NOS1AP: variants seen among roughly 807,000 people sequenced by gnomAD.
The protein encoded by NOS1AP is carboxyl-terminal PDZ ligand of neuronal nitric oxide synthase protein.
NOS1AP carries 21 observed loss-of-function variants against 56.2 expected under a neutral mutation model. The observed-to-expected ratio is 0.37, with a 90% CI of 0.26 to 0.54. The LOEUF (loss-of-function observed/expected upper bound fraction) is 0.54, where lower values mean the gene tolerates loss of function less well. Among genes scored for constraint, NOS1AP ranks in the 20% least tolerant of loss-of-function variants. The pLI, the probability that NOS1AP is intolerant of heterozygous loss-of-function variation, is 0.84. For synonymous variants in NOS1AP, 270 were observed against 274.6 expected (o/e 0.98, Z 0.17); for missense variants, 522 against 657.8 (o/e 0.79, Z 2.26).
intron 1 of NOS1AP, among the ~76,000 whole-genome samples, chr1:162,143,899 C>G (rs1244393700): frequency 1.3e-5 from 2 of 152,184 alleles, no homozygotes; most frequent in Non-Finnish European, 2.9e-5. Context: ...CTGCGCAAAG[C>G]TGAGTGCTTT....
chr1:162,339,977 A>G (rs1004396890), intron 5 of NOS1AP, among the ~76,000 whole-genome samples: 1 of 152,262 alleles, frequency 6.6e-6, no homozygotes, highest in Non-Finnish European at 1.5e-5. Context: ...GTCAAGGGAC[A>G]TCAGAACTCA....
At chr1:162,204,708 C>A (rs1219122889) in intron 2 of NOS1AP, among the ~76,000 whole-genome samples, 1 of 152,152 alleles carries the variant, frequency 6.6e-6, no homozygotes, top group Non-Finnish European at 1.5e-5. Context: ...CAGCTGTTTG[C>A]GTAGTTTTCA....
intron 2 of NOS1AP, among the ~76,000 whole-genome samples, chr1:162,243,515 G>A (rs1458215831): frequency 6.6e-6 from 1 of 152,196 alleles, no homozygotes; most frequent in African/African-American, 2.4e-5. Context: ...AGACAGAGAA[G>A]AGTGTAAGGT....
intron 2 of NOS1AP, among the ~76,000 whole-genome samples, chr1:162,267,826 G>C (rs1481975054): frequency 6.6e-6 from 1 of 152,152 alleles, no homozygotes; most frequent in South Asian, 2.1e-4. Context: ...CCTTAATGGA[G>C]CAGAGGTAGC....
At chr1:162,299,352 G>C (rs1388183733) in intron 3 of NOS1AP, among the ~76,000 whole-genome samples, 1 of 152,158 alleles carries the variant, frequency 6.6e-6, no homozygotes, top group Non-Finnish European at 1.5e-5. Context: ...CCAGGTTTTG[G>C]GGGGATCACT....
chr1:162,201,266 C>A (rs1189011530), intron 2 of NOS1AP, among the ~76,000 whole-genome samples: 1 of 152,132 alleles, frequency 6.6e-6, no homozygotes, highest in Non-Finnish European at 1.5e-5. Flanking sequence ...GCATAGTATT[C>A]CATGGTGTAT....
At chr1:162,218,964 G>A (rs1652673194) in intron 2 of NOS1AP, among the ~76,000 whole-genome samples, 1 of 152,114 alleles carries the variant, frequency 6.6e-6, no homozygotes, top group Admixed American at 6.5e-5. Flanking sequence ...TGCAGTTTTT[G>A]AACCATCTTA....
chr1:162,334,148 T>C (rs1656864059), intron 5 of NOS1AP, among the ~76,000 whole-genome samples: 1 of 152,206 alleles, frequency 6.6e-6, no homozygotes, highest in African/African-American at 2.4e-5. Context: ...CCAGATTTAC[T>C]GATGGGTGTC....
intron 2 of NOS1AP, among the ~76,000 whole-genome samples, chr1:162,226,198 C>T (rs1652935021): frequency 6.6e-6 from 1 of 152,060 alleles, no homozygotes; most frequent in African/African-American, 2.4e-5. Context: ...GAGGCTGAGG[C>T]AGGAGAATCA....
At chr1:162,201,401 G>GT (rs1206558695) in intron 2 of NOS1AP, among the ~76,000 whole-genome samples, 2 of 152,124 alleles carry the variant, frequency 1.3e-5, no homozygotes, top group African/African-American at 2.4e-5. Context: ...GAATAGTGCT[G>GT]TGATAAATAG....
At chr1:162,321,413 ATTGTAGG>A (rs1461832876) in intron 4 of NOS1AP, among the ~76,000 whole-genome samples, 1 of 152,116 alleles carries the variant, frequency 6.6e-6, no homozygotes, top group Non-Finnish European at 1.5e-5. Flanking sequence ...GTTCATGTCC[ATTGTAGG>A]GACATGGATG....
intron 2 of NOS1AP, among the ~76,000 whole-genome samples, chr1:162,157,737 G>A (rs951674754): frequency 6.6e-6 from 1 of 152,238 alleles, no homozygotes; most frequent in Non-Finnish European, 1.5e-5. Flanking sequence ...GTTTCCCAGA[G>A]AGAGAAGCAT....
At chr1:162,277,246 A>T (rs1025494554) in intron 2 of NOS1AP, among the ~76,000 whole-genome samples, 3 of 152,204 alleles carry the variant, frequency 2.0e-5, no homozygotes, top group African/African-American at 7.2e-5. Context: ...TTATTGTAAG[A>T]AACTACTTTT....
intron 2 of NOS1AP, among the ~76,000 whole-genome samples, chr1:162,265,404 G>C: frequency 8.3e-6 from 1 of 120,978 alleles, no homozygotes; most frequent in Non-Finnish European, 1.6e-5. Flanking sequence ...ACAGTTCCCA[G>C]AGTGTGATGT....
At chr1:162,106,008 A>G (rs1647493263) in intron 1 of NOS1AP, among the ~76,000 whole-genome samples, 1 of 152,174 alleles carries the variant, frequency 6.6e-6, no homozygotes, top group African/African-American at 2.4e-5. Context: ...CCGGGGCCAG[A>G]GTATGCAAAA....
In NOS1AP at chr1:162,357,016, T is replaced by C; in HGVS notation, c.819T>C (p.Ser273=). ...CCTCACCCAGGATGCTGCTCCCTTC[T>C]TCTTCCTCGAAGCCTCCAGGCCTGG... ...LTASPRMLLP[S]SSSKPPGLGT... is the part of the protein sequence containing the mutation. Residue 273 remains serine, a synonymous_variant, in exon 8 of 10, where the codon TCT becomes TCC. Transcript: ENST00000361897. 1 of 1,614,046 alleles carries C rather than the reference T, an allele frequency of 6.2e-7. No individual in the cohort carries two copies. Among genetic ancestry groups the C allele is most frequent in the Non-Finnish European group, 8.5e-7 (1 of 1,180,028 alleles).
intron 2 of NOS1AP, among the ~76,000 whole-genome samples, chr1:162,272,831 T>C (rs1654624625): frequency 6.6e-6 from 1 of 152,162 alleles, no homozygotes; most frequent in Admixed American, 6.5e-5. Context: ...CGTTGAAATG[T>C]TAGAGTTCTA....
intron 2 of NOS1AP, among the ~76,000 whole-genome samples, chr1:162,173,556 A>C (rs1650910588): frequency 6.6e-6 from 1 of 152,258 alleles, no homozygotes; most frequent in Non-Finnish European, 1.5e-5. Flanking sequence ...AACAAAAGCC[A>C]AAATTGACAA....
chr1:162,095,287 G>A (rs1002272123), intron 1 of NOS1AP, among the ~76,000 whole-genome samples: 11 of 152,256 alleles, frequency 7.2e-5, no homozygotes, highest in African/African-American at 2.6e-4. Flanking sequence ...TGGGATCAGT[G>A]CCCTTATAAG....
Sources: allele counts gnomAD v4.1 joint callset (sites outside exome capture counted in the v4.1 genomes callset), GRCh38; gene constraint gnomAD v4.1.1; transcripts MANE v1.5; gene names NCBI Gene and HGNC (gene_info 2026-07-23, HGNC 2026-07-21).